The following MIPOL1 variants were observed in gnomAD, a reference collection of about 807,000 sequenced individuals.
MIPOL1 encodes the protein mirror-image polydactyly gene 1 protein.
MIPOL1 carries 57 observed loss-of-function variants against 60.9 expected under a neutral mutation model. That is an observed-to-expected ratio of 0.94 (90% confidence interval 0.76 to 1.17). The LOEUF (loss-of-function observed/expected upper bound fraction) is 1.17, where lower values mean the gene tolerates loss of function less well. MIPOL1 is among the 50% of genes most tolerant of loss of function. The probability of loss-of-function intolerance (pLI) is 0.00; values close to 1 mark genes in which losing one functional copy is unlikely to be tolerated. For synonymous variants in MIPOL1, 179 were observed against 168.8 expected (o/e 1.06, Z -0.47); for missense variants, 551 against 511.6 (o/e 1.08, Z -0.74).
chr14:37,213,131 A>C (rs957430956), intron 1 of MIPOL1, among the ~76,000 whole-genome samples: 6 of 152,206 alleles, frequency 3.9e-5, no homozygotes, highest in African/African-American at 1.4e-4. Context: ...GAAGACTACA[A>C]TAAATACCTA....
intron 9 of MIPOL1, among the ~76,000 whole-genome samples, chr14:37,331,265 T>C (rs934200591): frequency 1.3e-5 from 2 of 152,128 alleles, no homozygotes; most frequent in Non-Finnish European, 2.9e-5. Context: ...ATATCAATTT[T>C]AGGTTTATTT....
intron 10 of MIPOL1, among the ~76,000 whole-genome samples, chr14:37,414,243 T>C (rs2093726662): frequency 6.6e-6 from 1 of 152,204 alleles, no homozygotes; most frequent in Admixed American, 6.5e-5. Context: ...AGGCCATCCA[T>C]TATCAATAGT....
chr14:37,397,823 G>GC (rs2153527040), intron 10 of MIPOL1, among the ~76,000 whole-genome samples: 1 of 152,182 alleles, frequency 6.6e-6, no homozygotes, highest in African/African-American at 2.4e-5. Flanking sequence ...TCCCGCTGTG[G>GC]CCCCTCTAAC....
intron 7 of MIPOL1, among the ~76,000 whole-genome samples, chr14:37,296,068 A>G (rs897041140): frequency 3.2e-4 from 48 of 152,324 alleles, no homozygotes; most frequent in African/African-American, 1.0e-3. Flanking sequence ...AGCACTCCTC[A>G]GCAAATGTAA....
intron 11 of MIPOL1, among the ~76,000 whole-genome samples, chr14:37,445,768 G>A (rs78038187): frequency 0.13 from 19,574 of 151,464 alleles, 1,302 homozygotes; most frequent in South Asian, 0.23. Flanking sequence ...AAATAACACC[G>A]CATATCTACA....
chr14:37,419,718 A>G (rs2093837230), intron 10 of MIPOL1, among the ~76,000 whole-genome samples: 1 of 151,854 alleles, frequency 6.6e-6, no homozygotes, highest in Non-Finnish European at 1.5e-5. Context: ...GATGAGTGTG[A>G]TACGTGGAAT....
chr14:37,464,274 A>G (rs555735185), intron 11 of MIPOL1, among the ~76,000 whole-genome samples: 1 of 152,278 alleles, frequency 6.6e-6, no homozygotes, highest in East Asian at 1.9e-4. Flanking sequence ...CCAAAGAAAA[A>G]GACACCTGCA....
chr14:37,481,081 C>G (rs2094856191), intron 11 of MIPOL1, among the ~76,000 whole-genome samples: 1 of 152,156 alleles, frequency 6.6e-6, no homozygotes, highest in African/African-American at 2.4e-5. Context: ...TACAAGGTTA[C>G]AGTGAACTAT....
intron 12 of MIPOL1, among the ~76,000 whole-genome samples, chr14:37,527,392 C>T (rs1346293792): frequency 6.6e-5 from 10 of 151,754 alleles, no homozygotes; most frequent in Non-Finnish European, 1.5e-4. Flanking sequence ...TAAACTTAGC[C>T]GTTGTGTTAT....
intron 10 of MIPOL1, among the ~76,000 whole-genome samples, chr14:37,370,195 CATT>C (rs1241179092): frequency 6.6e-6 from 1 of 152,144 alleles, no homozygotes; most frequent in East Asian, 1.9e-4. Context: ...AGTTCTGTCT[CATT>C]GTATTATAGA....
chr14:37,383,081 A>G (rs1172098856), intron 10 of MIPOL1, among the ~76,000 whole-genome samples: 1 of 151,806 alleles, frequency 6.6e-6, no homozygotes, highest in Non-Finnish European at 1.5e-5. Flanking sequence ...TCTTTAGAAA[A>G]TGTTAACTTT....
chr14:37,401,816 G>A (rs1323801791), intron 10 of MIPOL1: 4 of 152,084 alleles, frequency 2.6e-5, no homozygotes, highest in African/African-American at 9.7e-5. Flanking sequence ...ATTTAAAGCA[G>A]TGATAACTTT....
chr14:37,545,603 TAAAGC>T (rs766416731), intron 12 of MIPOL1: 4 of 606,054 alleles, frequency 6.6e-6, no homozygotes, highest in Non-Finnish European at 1.2e-5. Flanking sequence ...ACTGTGTTCT[TAAAGC>T]AAAGTTTTTT....
intron 12 of MIPOL1, chr14:37,523,682 C>T (rs1346525735): frequency 1.5e-5 from 5 of 342,730 alleles, no homozygotes; most frequent in Admixed American, 9.8e-5. Flanking sequence ...GTTCCAGGCA[C>T]TGTGTTAGGC....
At position 37,268,780 on chromosome 14, in the gene MIPOL1, C is replaced by G. The variant is rs147836488; in HGVS notation, c.374C>G (p.Thr125Arg). 1.5e-5 allele frequency: 24 copies of G among 1,578,912 alleles called. No homozygotes were observed. In the African/African-American group the frequency reaches 3.0e-4, roughly 20 times the overall value. ...CTAAAAGAATTGGATATTCTCAGAA[C>G]AAGCAATAAAAAGGTATAATATGGA... ...FLLKELDILR[T>R]SNKKLQQKLA... is the part of the protein sequence containing the mutation. Residue 125 changes from threonine (T) to arginine (R), a missense_variant, in exon 5 of 13, where the codon ACA (threonine) becomes AGA (arginine). Physicochemically the swap from Thr to Arg is moderately conservative, Grantham distance 71 (BLOSUM62 -1). Transcript: ENST00000684589.
intron 11 of MIPOL1, among the ~76,000 whole-genome samples, chr14:37,479,975 ACACTGAAT>A (rs2153597809): frequency 6.6e-6 from 1 of 152,244 alleles, no homozygotes; most frequent in African/African-American, 2.4e-5. Context: ...GAACCTACCA[ACACTGAAT>A]CATGAAAAAG....
chr14:37,526,545 A>AT (rs760730621), intron 12 of MIPOL1, among the ~76,000 whole-genome samples: 14,138 of 116,650 alleles, frequency 0.12, 1,953 homozygotes, highest in African/African-American at 0.35. Flanking sequence ...AATTTTTTGT[A>AT]TTTTTTTTTT....
chr14:37,510,572 C>T (rs1415576506), intron 12 of MIPOL1, among the ~76,000 whole-genome samples: 1 of 152,010 alleles, frequency 6.6e-6, no homozygotes, highest in Non-Finnish European at 1.5e-5. Context: ...TTTCTACCTA[C>T]TGCACTCTCT....
chr14:37,356,212 G>A (rs1393076749), intron 9 of MIPOL1, among the ~76,000 whole-genome samples: 3 of 151,960 alleles, frequency 2.0e-5, no homozygotes, highest in African/African-American at 4.8e-5. Context: ...TCCCAGTTAG[G>A]CTTCTCGGGG....
Sources: allele counts gnomAD v4.1 joint callset (sites outside exome capture counted in the v4.1 genomes callset), GRCh38; gene constraint gnomAD v4.1.1; transcripts MANE v1.5; gene names NCBI Gene and HGNC (gene_info 2026-07-23, HGNC 2026-07-21).